PRTN3: variants seen among roughly 807,000 people sequenced by gnomAD.
PRTN3 encodes proteinase 3.
Under a neutral mutation model 20.7 loss-of-function variants are expected in PRTN3, and 22 were observed. The ratio of observed to expected loss-of-function variants is 1.06; its 90% confidence interval spans 0.76 to 1.52. PRTN3 has a LOEUF of 1.52. PRTN3 is among the 40% of genes most tolerant of loss of function. The pLI, the probability that PRTN3 is intolerant of heterozygous loss-of-function variation, is 0.00. For missense variants in PRTN3, 378 were observed against 359.6 expected (o/e 1.05, Z -0.41); for synonymous variants, 173 against 152.9 (o/e 1.13, Z -0.97).
intron 3 of PRTN3, among the ~76,000 whole-genome samples, chr19:845,703 A>G (rs1239923006): frequency 1.4e-5 from 2 of 141,402 alleles, no homozygotes; most frequent in Non-Finnish European, 3.1e-5. Flanking sequence ...AACAAGAGCG[A>G]AACTCCATCT....
rs7257699 is a variant in PRTN3 at position 843,454 on chromosome 19, C to A, written c.62-7C>A. ...GGCTCCCTGACGCCTGGACTCCCCCCCTGCAGGTGCTGCCCGAGCTGCGGA... is the reference window on the plus strand; with the variant it reads ...GGCTCCCTGACGCCTGGACTCCCCCACTGCAGGTGCTGCCCGAGCTGCGGA... On this transcript the variant is annotated splice_region_variant and splice_polypyrimidine_tract_variant and intron_variant, in intron 1 of 4. Coordinates refer to ENST00000234347, the MANE Select transcript of PRTN3 (RefSeq NM_002777.4). The A allele has an allele frequency of 0.014, 21,699 of 1,553,500 alleles. 2,439 individuals carry two copies. In the African/African-American group the frequency reaches 0.25, roughly 18 times the overall value.
At chr19:841,533 TC>T (rs1181190404) in intron 1 of PRTN3, among the ~76,000 whole-genome samples, 2 of 120,040 alleles carry the variant, frequency 1.7e-5, no homozygotes, top group Non-Finnish European at 3.5e-5. Flanking sequence ...AGTGAATGAA[TC>T]AATGAGTGAG....
At position 846,095 on chromosome 19, in the gene PRTN3, G is replaced by A. The variant is rs561250459; in HGVS notation, c.370-52G>A. 4.1e-3 allele frequency: 5,530 copies of A among 1,349,812 alleles called. 18 individuals carry two copies. Among genetic ancestry groups the A allele is most frequent in the Non-Finnish European group, 4.9e-3 (5,112 of 1,036,020 alleles). The allele number at this position is 1,349,812 out of a possible 1,614,324, so 83.6% of individuals were successfully genotyped here. A position where few individuals can be genotyped will look rare whatever the true frequency, so the allele number is the denominator to read the frequency against. ...GGTGTGGTGGGAGGGCGGCCCGGGC[G>A]GCCACCGTGACCTGGAAGCAGCGTC... is the stretch of plus-strand genomic sequence containing the variant. On this transcript the variant is annotated intron_variant, in intron 3 of 4. Coordinates refer to ENST00000234347, the MANE Select transcript of PRTN3 (RefSeq NM_002777.4).
intron 1 of PRTN3, 85 bp from the exon 2 acceptor site, chr19:843,376 C>T (rs2035468926): frequency 7.2e-7 from 1 of 1,381,782 alleles, no homozygotes; most frequent in South Asian, 1.5e-5. Flanking sequence ...GAGACGGAGG[C>T]TCGGAGAGGC....
At chr19:843,825 G>A in intron 2 of PRTN3, 68 bp from the exon 3 acceptor site, 1 of 1,511,300 alleles carries the variant, frequency 6.6e-7, no homozygotes, top group South Asian at 1.3e-5. Context: ...CCGCGGCCTC[G>A]GGAAGGGCCG....
At chr19:842,787 C>T (rs2035463090) in intron 1 of PRTN3, among the ~76,000 whole-genome samples, 1 of 151,896 alleles carries the variant, frequency 6.6e-6, no homozygotes, top group South Asian at 2.1e-4. Context: ...AGGGTTTCAC[C>T]ATGTTGGCCA....
chr19:847,025 G>A (rs2035525959), intron 4 of PRTN3, among the ~76,000 whole-genome samples: 1 of 152,126 alleles, frequency 6.6e-6, no homozygotes, highest in African/African-American at 2.4e-5. Flanking sequence ...AAAATTCCAG[G>A]CCAGCAGTGG....
chr19:845,600 G>T (rs886368489), intron 3 of PRTN3, among the ~76,000 whole-genome samples: 4 of 151,890 alleles, frequency 2.6e-5, no homozygotes, highest in African/African-American at 9.7e-5. Context: ...TGTAGTCCCA[G>T]CTACTTGGGA....
chr19:844,216 C>T (rs2035484637), intron 3 of PRTN3, among the ~76,000 whole-genome samples, 182 bp downstream of exon 3: 1 of 129,624 alleles, frequency 7.7e-6, no homozygotes, highest in African/African-American at 3.2e-5. Flanking sequence ...GCCACTCCTC[C>T]TCCCCGCCTC....
chr19:843,352 G>T lies in PRTN3; in HGVS notation c.62-109G>T, dbSNP rs369879343. 53 of 1,220,872 alleles carry T rather than the reference G, an allele frequency of 4.3e-5. No homozygotes were observed. In the East Asian group the frequency reaches 1.2e-3, roughly 28 times the overall value. The allele number at this position is 1,220,872 out of a possible 1,614,324, so 75.6% of individuals were successfully genotyped here. On this transcript the variant is annotated intron_variant, in intron 1 of 4. Transcript: ENST00000234347. ...TCCCACCAGCCAGCAGGCACTGACC[G>T]GGTTGCAGATCGGGAGACGGAGGCT... is the stretch of plus-strand genomic sequence containing the variant.
At chr19:841,536 ATGAG>A (rs1450510583) in intron 1 of PRTN3, among the ~76,000 whole-genome samples, 1 of 56,554 alleles carries the variant, frequency 1.8e-5, no homozygotes, top group Admixed American at 2.5e-4. Flanking sequence ...GAATGAATCA[ATGAG>A]TGAGTGAATG....
intron 1 of PRTN3, among the ~76,000 whole-genome samples, chr19:842,143 C>T (rs1178074561): frequency 2.6e-5 from 4 of 151,014 alleles, no homozygotes; most frequent in South Asian, 4.2e-4. Flanking sequence ...CTCCTGCCTC[C>T]GCCTCTTGAG....
intron 1 of PRTN3, 189 bp from the exon 2 acceptor site, chr19:843,272 G>T: frequency 1.7e-6 from 1 of 593,506 alleles, no homozygotes. Context: ...CTGCCACCAG[G>T]GCGCCTTTGG....
intron 4 of PRTN3, among the ~76,000 whole-genome samples, chr19:847,054 T>G (rs1345542470): frequency 6.6e-6 from 1 of 152,074 alleles, no homozygotes; most frequent in Non-Finnish European, 1.5e-5. Context: ...GCCTGTAATC[T>G]CAGCACTTTG....
At chr19:846,094 C>A (rs542172837) in intron 3 of PRTN3, 53 bp from the exon 4 acceptor site, 1 of 1,338,286 alleles carries the variant, frequency 7.5e-7, no homozygotes, top group Non-Finnish European at 9.7e-7. Context: ...GCGGCCCGGG[C>A]GGCCACCGTG....
intron 4 of PRTN3, 64 bp from the exon 5 acceptor site, chr19:847,735 G>A (rs140485969): frequency 0.034 from 51,925 of 1,523,100 alleles, 993 homozygotes; most frequent in Non-Finnish European, 0.037. Context: ...GTGACTGGCC[G>A]TCCCCATCCT....
rs1470337010 is a variant in PRTN3, at chr19:843,514, C to G, written c.115C>G (p.Arg39Gly). ...CGGGCACGAGGCGCAGCCACACTCCCGGCCCTACATGGCCTCCCTGCAGAT... is the reference window on the plus strand; with the variant it reads ...CGGGCACGAGGCGCAGCCACACTCCGGGCCCTACATGGCCTCCCTGCAGAT... ...VGGHEAQPHS[R>G]PYMASLQMRG... Residue 39 changes from arginine (R) to glycine (G), a missense_variant, in exon 2 of 5, where the codon CGG (arginine) becomes GGG (glycine). Arg to Gly is a moderately radical substitution (Grantham distance 125). Transcript: ENST00000234347. 1 of 1,589,388 alleles carries G rather than the reference C, an allele frequency of 6.3e-7. No homozygotes were observed. The highest frequency in any genetic ancestry group is 8.5e-7 in the Non-Finnish European group (1 of 1,171,014).
At chr19:847,560 AGAGAG>A (rs780443823) in intron 4 of PRTN3, among the ~76,000 whole-genome samples, 2,258 of 147,218 alleles carry the variant, frequency 0.015, 59 homozygotes, top group African/African-American at 0.052. Context: ...AAAGAAAGAG[AGAGAG>A]AGAGAGAGAG....
intron 3 of PRTN3, 128 bp downstream of exon 3, chr19:844,162 G>T (rs1363469813): frequency 3.1e-6 from 4 of 1,284,240 alleles, no homozygotes; most frequent in Non-Finnish European, 3.1e-6. Flanking sequence ...CTGCAGCCTG[G>T]GTCCAGTGGC....
Sources: gnomAD v4.1 joint callset for allele counts (sites outside exome capture counted in the v4.1 genomes callset) on GRCh38, gnomAD v4.1.1 for gene constraint, MANE v1.5 for transcripts, NCBI Gene and HGNC (gene_info 2026-07-23, HGNC 2026-07-21) for gene names.